XIAP: variants seen among roughly 807,000 people sequenced by gnomAD.
The protein encoded by XIAP is E3 ubiquitin-protein ligase XIAP.
In XIAP, 3 loss-of-function variants were observed where a neutral mutation model predicts 33.1. The ratio of observed to expected loss-of-function variants is 0.09; its 90% CI spans 0.04 to 0.23. The LOEUF (loss-of-function observed/expected upper bound fraction) is 0.23. XIAP is among the 10% of genes least tolerant of loss of function. The probability of loss-of-function intolerance (pLI) is 1.00; values close to 1 mark genes in which losing one functional copy is unlikely to be tolerated. For missense variants in XIAP, 264 were observed against 363.0 expected, an observed-to-expected ratio of 0.73 and a Z score of 2.22; for synonymous variants, 98 against 121.3, an observed-to-expected ratio of 0.81 and a Z score of 1.26.
chrX:123,880,737 C>CA (rs35365799), intron 1 of XIAP, among the ~76,000 whole-genome samples: 178 of 63,869 alleles, frequency 2.8e-3, no homozygotes, highest in East Asian at 7.0e-3. Flanking sequence ...AACTCTGTTT[C>CA]AAAAAAAAAA....
intron 3 of XIAP, among the ~76,000 whole-genome samples, chrX:123,890,222 T>C (rs1248833393): frequency 9.8e-6 from 1 of 102,085 alleles, no homozygotes; most frequent in African/African-American, 3.6e-5. Context: ...TTCACCGTGT[T>C]AGCCAGGATG....
At chrX:123,877,603 G>T (rs1453837375) in intron 1 of XIAP, among the ~76,000 whole-genome samples, 1 of 111,822 alleles carries the variant, frequency 8.9e-6, no homozygotes, top group Non-Finnish European at 1.9e-5. Context: ...AACAACATTA[G>T]AAATAAGAAT....
At chrX:123,889,997 A>AATTTTTT (rs2053389824) in intron 3 of XIAP, among the ~76,000 whole-genome samples, 2 of 33,072 alleles carry the variant, frequency 6.0e-5, no homozygotes, top group South Asian at 2.7e-3. Flanking sequence ...AGTTGTTCAC[A>AATTTTTT]TTTTTTTTTT....
intron 5 of XIAP, 116 bp from the exon 6 acceptor site, chrX:123,900,377 A>C: frequency 1.5e-6 from 1 of 671,821 alleles, no homozygotes; most frequent in Non-Finnish European, 2.3e-6. Flanking sequence ...GTTTGTTTTT[A>C]TTCTTTCGCT....
chrX:123,862,067 T>A (rs55793953), intron 1 of XIAP, among the ~76,000 whole-genome samples: 21,363 of 110,231 alleles, frequency 0.19, 1,494 homozygotes, highest in South Asian at 0.39. Flanking sequence ...TGTTTTTTTT[T>A]ATCAATTAAT....
rs1301084030 is a variant in XIAP at position 123,911,944 on chromosome X, G to A, written c.*4763G>A. 1 of 328,970 alleles carries A rather than the reference G, an allele frequency of 3.0e-6. No homozygotes were observed. The highest frequency in any genetic ancestry group is 5.9e-6 in the Non-Finnish European group (1 of 169,922). 27.1% of individuals were successfully genotyped at this position (328,970 alleles called of 1,213,427 possible). On this transcript the variant is annotated 3_prime_UTR_variant, in exon 7 of 7. Transcript: ENST00000371199. ...GAGGCAACTGAGACTCAAAGGTGATGTAATTTGTGCAAAGATTATAGCTAA... is the reference window on the plus strand; with the variant it reads ...GAGGCAACTGAGACTCAAAGGTGATATAATTTGTGCAAAGATTATAGCTAA...
At chrX:123,893,678 T>TAAAAATCC (rs1033420030) in intron 5 of XIAP, among the ~76,000 whole-genome samples, 5 of 110,859 alleles carry the variant, frequency 4.5e-5, no homozygotes, top group African/African-American at 1.6e-4. Flanking sequence ...CCATCTCTAC[T>TAAAAATCC]AAAAATCCAA....
At chrX:123,860,038 G>A (rs949165364), upstream of XIAP, 2 of 323,363 alleles carry the variant, frequency 6.2e-6, no homozygotes, top group African/African-American at 2.6e-5. Flanking sequence ...GACGGACCGC[G>A]CCCGGTGTCT....
chrX:123,878,573 A>G (rs2053268092), intron 1 of XIAP: 1 of 113,458 alleles, frequency 8.8e-6, no homozygotes, highest in African/African-American at 3.2e-5. Flanking sequence ...CATTCAGAAA[A>G]CATTCAAATG....
At chrX:123,880,447 A>G (rs1412861392) in intron 1 of XIAP, among the ~76,000 whole-genome samples, 1 of 107,241 alleles carries the variant, frequency 9.3e-6, no homozygotes, top group African/African-American at 3.4e-5. Flanking sequence ...AATAAAAAAA[A>G]AAAAAGCAGC....
chrX:123,901,293 G>GCCC (rs2053512321), intron 6 of XIAP, among the ~76,000 whole-genome samples: 1 of 111,718 alleles, frequency 9.0e-6, no homozygotes, highest in Non-Finnish European at 1.9e-5. Context: ...GCTGAGCGGG[G>GCCC]AAGATCACCT....
rs751002566 is a variant in XIAP, at chrX:123,909,652, C to T, written c.*2471C>T. 9 of 327,621 alleles carry T rather than the reference C, an allele frequency of 2.7e-5. No homozygotes were observed. The highest frequency in any genetic ancestry group is 1.8e-4 in the South Asian group (7 of 38,318). The allele number at this position is 327,621 out of a possible 1,213,427, so 27.0% of individuals were successfully genotyped here. A position where few individuals can be genotyped will look rare whatever the true frequency, so the allele number is the denominator to read the frequency against. On this transcript the variant is annotated 3_prime_UTR_variant, in exon 7 of 7. Coordinates refer to ENST00000371199, the MANE Select transcript of XIAP (RefSeq NM_001167.4). ...ATAAGGCTTTTCCTGTTCTGGGAGC[C>T]GCACTTCATTAAAATTCTTCTAAAA...
intron 1 of XIAP, among the ~76,000 whole-genome samples, chrX:123,869,381 A>AAAAAAAAAAAAAAAAAAAAAAAAAAC (rs2053173366): frequency 9.9e-6 from 1 of 101,052 alleles, no homozygotes; most frequent in African/African-American, 3.6e-5. Flanking sequence ...AAAAAAAAAA[A>AAAAAAAAAAAAAAAAAAAAAAAAAAC]AAAGCTGGGT....
chrX:123,899,185 TTTTATATATATA>T (rs1371421881), intron 5 of XIAP, among the ~76,000 whole-genome samples: 12 of 40,627 alleles, frequency 3.0e-4, no homozygotes, highest in African/African-American at 5.7e-4. Context: ...ATATATATGA[TTTTATATATATA>T]TGATTGTGTA....
At chrX:123,877,316 C>A (rs2053255264) in intron 1 of XIAP, among the ~76,000 whole-genome samples, 1 of 111,786 alleles carries the variant, frequency 8.9e-6, no homozygotes, top group African/African-American at 3.3e-5. Context: ...ATCCGCCTGC[C>A]TCGGCCTCCC....
intron 1 of XIAP, among the ~76,000 whole-genome samples, chrX:123,863,094 A>G (rs769165863): frequency 9.0e-6 from 1 of 111,097 alleles, no homozygotes; most frequent in African/African-American, 3.3e-5. Context: ...TGTCTCAAAC[A>G]AAACAAAGAA....
Position 123,911,466 on chromosome X carries a change from A to G in XIAP, c.*4285A>G, listed in dbSNP as rs1316623559. ...CACTCCAGCCTGGGCAACAAGAGCA[A>G]AACTCTGTCTCAAAAAAAAAAAAAG... On this transcript the variant is annotated 3_prime_UTR_variant, in exon 7 of 7. Coordinates refer to ENST00000371199, the MANE Select transcript of XIAP (RefSeq NM_001167.4). 5 of 277,852 alleles carry G rather than the reference A, an allele frequency of 1.8e-5. No individual in the cohort carries two copies. Among genetic ancestry groups the G allele is most frequent in the African/African-American group, 1.8e-4 (5 of 28,078 alleles). The allele number at this position is 277,852 out of a possible 1,213,427, so 22.9% of individuals were successfully genotyped here. A position where few individuals can be genotyped will look rare whatever the true frequency, so the allele number is the denominator to read the frequency against.
rs189295746 is a variant in XIAP, at chrX:123,905,045, C to G, written c.1301-1943C>G. On this transcript the variant is annotated intron_variant, in intron 6 of 6. Transcript: ENST00000371199. Reference sequence around the variant, plus strand: ...TCTCTGATGCATTCCATGTTTGAGCCTATAGTTTTTATTATGCCCAAGAGG... The same window carrying G: ...TCTCTGATGCATTCCATGTTTGAGCGTATAGTTTTTATTATGCCCAAGAGG... Among the ~76,000 whole-genome samples, 41 of 111,759 alleles carry G rather than the reference C, an allele frequency of 3.7e-4. No individual in the cohort carries two copies. The East Asian group carries it at 0.01, about 28-fold the overall frequency.
chrX:123,860,870 C>T (rs773501301), intron 1 of XIAP, among the ~76,000 whole-genome samples: 195 of 111,532 alleles, frequency 1.7e-3, no homozygotes, highest in African/African-American at 5.9e-3. Context: ...CCCTCTCCAC[C>T]TTCGAAAAAG....
Sources: gnomAD v4.1 joint callset for allele counts (sites outside exome capture counted in the v4.1 genomes callset) on GRCh38, gnomAD v4.1.1 for gene constraint, MANE v1.5 for transcripts, NCBI Gene and HGNC (gene_info 2026-07-23, HGNC 2026-07-21) for gene names.